TLK2: variants seen among roughly 807,000 people sequenced by gnomAD.
TLK2 encodes tousled like kinase 2.
In TLK2, 6 loss-of-function variants were observed where a neutral mutation model predicts 117.3. The ratio of observed to expected loss-of-function variants is 0.05; its 90% CI spans 0.03 to 0.10. The LOEUF is 0.10. Ranked by LOEUF, TLK2 falls within the 10% of genes least tolerant of loss-of-function variation. The pLI, the probability that TLK2 is intolerant of heterozygous loss-of-function variation, is 1.00. For missense variants in TLK2, 299 were observed against 901.2 expected (o/e 0.33, Z 8.56); for synonymous variants, 257 against 316.7 (o/e 0.81, Z 2.00).
chr17:62,532,301 T>C (rs1354392985), intron 6 of TLK2, among the ~76,000 whole-genome samples: 2 of 152,076 alleles, frequency 1.3e-5, no homozygotes, highest in Non-Finnish European at 2.9e-5. Flanking sequence ...CAGAAATGTT[T>C]TTAAATCTTT....
upstream of TLK2, among the ~76,000 whole-genome samples, chr17:62,475,340 A>G (rs867327756): frequency 2.0e-5 from 3 of 152,076 alleles, no homozygotes; most frequent in African/African-American, 7.2e-5. Flanking sequence ...GTCAAGAATA[A>G]CAATAATAAT....
intron 2 of TLK2, among the ~76,000 whole-genome samples, chr17:62,504,385 A>C (rs1041187241): frequency 6.6e-6 from 1 of 152,212 alleles, no homozygotes; most frequent in Non-Finnish European, 1.5e-5. Flanking sequence ...AGTTTCATAC[A>C]GTGGTTCAGA....
In TLK2 at chr17:62,576,622, G is replaced by A. The variant is rs540584043; in HGVS notation, c.1122-87G>A. On this transcript the variant is annotated intron_variant, in intron 12 of 21. Coordinates refer to ENST00000346027, the MANE Select transcript of TLK2 (RefSeq NM_006852.6). Reference sequence around the variant, plus strand: ...TTTAACTGAGACTGAAACTGAATATGTCTTATAGTATATTTGAGCATTTCT... The same window carrying A: ...TTTAACTGAGACTGAAACTGAATATATCTTATAGTATATTTGAGCATTTCT... The A allele has an allele frequency of 6.0e-6, 6 of 1,006,274 alleles. No individual in the cohort carries two copies. In the East Asian group the frequency reaches 9.6e-5, roughly 16 times the overall value. The allele number at this position is 1,006,274 out of a possible 1,614,324, so 62.3% of individuals were successfully genotyped here. A position where few individuals can be genotyped will look rare whatever the true frequency, so the allele number is the denominator to read the frequency against.
rs1598913852 is a variant in TLK2 at position 62,608,154 on chromosome 17, T to C, written c.2079+6T>C. 6 of 1,610,358 alleles carry C rather than the reference T, an allele frequency of 3.7e-6. No individual in the cohort carries two copies. Among genetic ancestry groups the C allele is most frequent in the Non-Finnish European group, 5.1e-6 (6 of 1,178,862 alleles). Reference sequence around the variant, plus strand: ...TAGTAACACCTGAAGCAAAGGTAAGTTTTGTTTGACCCATTGGCCAACAGA... The same window carrying C: ...TAGTAACACCTGAAGCAAAGGTAAGCTTTGTTTGACCCATTGGCCAACAGA... On this transcript the variant is annotated splice_donor_region_variant and intron_variant, in intron 21 of 21. Transcript: ENST00000346027.
At chr17:62,479,600 T>A (rs1287665435) in intron 1 of TLK2, among the ~76,000 whole-genome samples, 1 of 152,054 alleles carries the variant, frequency 6.6e-6, no homozygotes, top group Non-Finnish European at 1.5e-5. Context: ...CGGCCCTCCC[T>A]TCCTCCGTGA....
intron 10 of TLK2, among the ~76,000 whole-genome samples, chr17:62,561,886 A>G (rs1034979987): frequency 2.0e-5 from 3 of 152,222 alleles, no homozygotes; most frequent in Non-Finnish European, 4.4e-5. Flanking sequence ...GCATACTACA[A>G]AAAGTAAACA....
chr17:62,612,639 A>G lies in TLK2; in HGVS notation c.*74A>G. The G allele has an allele frequency of 2.8e-6, 4 of 1,438,868 alleles. No individual in the cohort carries two copies. The South Asian group carries it at 4.0e-5, about 14-fold the overall frequency. The allele number at this position is 1,438,868 out of a possible 1,614,324, so 89.1% of individuals were successfully genotyped here. A position where few individuals can be genotyped will look rare whatever the true frequency, so the allele number is the denominator to read the frequency against. On this transcript the variant is annotated 3_prime_UTR_variant, in exon 22 of 22. Transcript: ENST00000346027. ...TGGCGTTCAGCAGCGGGTTTGGAAC[A>G]TAGCGAATCCGAATGGATCTGATGA...
intron 3 of TLK2, among the ~76,000 whole-genome samples, chr17:62,521,121 C>G (rs899315934): frequency 6.6e-6 from 1 of 152,160 alleles, no homozygotes; most frequent in African/African-American, 2.4e-5. Flanking sequence ...GATGGCACCA[C>G]TGCACTCCAT....
intron 8 of TLK2, 126 bp from the exon 9 acceptor site, chr17:62,553,537 T>C (rs2078630156): frequency 1.5e-6 from 1 of 683,064 alleles, no homozygotes; most frequent in Non-Finnish European, 2.7e-6. Flanking sequence ...TTAAGCCATG[T>C]GATTCTAGGC....
upstream of TLK2, among the ~76,000 whole-genome samples, chr17:62,476,143 CT>C (rs1462826544): frequency 1.3e-5 from 2 of 151,810 alleles, no homozygotes; most frequent in Non-Finnish European, 2.9e-5. Flanking sequence ...CTATGCCGAG[CT>C]AATTTTTGTA....
At chr17:62,568,153 C>T (rs930335397) in intron 11 of TLK2, among the ~76,000 whole-genome samples, 11 of 151,980 alleles carry the variant, frequency 7.2e-5, no homozygotes, top group African/African-American at 2.4e-4. Flanking sequence ...GGGATTTGGC[C>T]AGATGTGGTG....
intron 7 of TLK2, among the ~76,000 whole-genome samples, chr17:62,538,253 T>A (rs2077256322): frequency 6.6e-6 from 1 of 152,064 alleles, no homozygotes; most frequent in Non-Finnish European, 1.5e-5. Context: ...GCCAGGATGG[T>A]CTCGATCTCC....
At chr17:62,491,459 C>G (rs1260606141) in intron 2 of TLK2, among the ~76,000 whole-genome samples, 3 of 152,154 alleles carry the variant, frequency 2.0e-5, no homozygotes, top group Non-Finnish European at 4.4e-5. Flanking sequence ...TCTACCTTGT[C>G]TGGGTCTTAA....
chr17:62,612,240 G>T, intron 21 of TLK2, 152 bp from the exon 22 acceptor site: 1 of 691,666 alleles, frequency 1.4e-6, no homozygotes, highest in Non-Finnish European at 2.3e-6. Context: ...TGTGTTCTTT[G>T]GGTCTGCCTG....
At chr17:62,496,404 A>AG (rs1265464078) in intron 2 of TLK2, among the ~76,000 whole-genome samples, 2 of 152,310 alleles carry the variant, frequency 1.3e-5, no homozygotes, top group Non-Finnish European at 2.9e-5. Context: ...ACACACATTC[A>AG]GATACATTTA....
intron 2 of TLK2, among the ~76,000 whole-genome samples, chr17:62,491,880 G>A (rs1433138402): frequency 6.6e-6 from 1 of 152,116 alleles, no homozygotes; most frequent in Non-Finnish European, 1.5e-5. Context: ...CCTCACACCC[G>A]GCCCCCATAT....
At chr17:62,509,996 C>T (rs2075017758) in intron 2 of TLK2, among the ~76,000 whole-genome samples, 1 of 152,224 alleles carries the variant, frequency 6.6e-6, no homozygotes, top group Non-Finnish European at 1.5e-5. Context: ...ATTACCCAGT[C>T]TGCTGGGTGC....
intron 2 of TLK2, among the ~76,000 whole-genome samples, chr17:62,507,876 AAAGTACATTTT>A (rs1335655049): frequency 6.6e-6 from 1 of 151,998 alleles, no homozygotes; most frequent in Non-Finnish European, 1.5e-5. Flanking sequence ...CCTAGAAAAA[AAAGTACATTTT>A]AAGTATATTA....
intron 2 of TLK2, among the ~76,000 whole-genome samples, chr17:62,490,622 A>G (rs1164377681): frequency 2.0e-5 from 3 of 151,776 alleles, no homozygotes; most frequent in African/African-American, 4.8e-5. Context: ...GCTCACTGCA[A>G]CCTCCACCTC....
Sources: allele counts gnomAD v4.1 joint callset (sites outside exome capture counted in the v4.1 genomes callset), GRCh38; gene constraint gnomAD v4.1.1; transcripts MANE v1.5; gene names NCBI Gene and HGNC (gene_info 2026-07-23, HGNC 2026-07-21).